PDPR: variants seen among roughly 807,000 people sequenced by gnomAD.
The protein encoded by PDPR is pyruvate dehydrogenase phosphatase regulatory subunit.
Under a neutral mutation model 102.2 loss-of-function variants are expected in PDPR, and 50 were observed. The ratio of observed to expected loss-of-function variants is 0.49; its 90% CI spans 0.39 to 0.62. The LOEUF (loss-of-function observed/expected upper bound fraction) is 0.62, where lower values mean the gene tolerates loss of function less well. Ranked by LOEUF, PDPR falls within the 20% of genes least tolerant of loss-of-function variation. PDPR has a pLI of 0.00. For missense variants in PDPR, 625 were observed against 1,098.2 expected, an observed-to-expected ratio of 0.57 and a Z score of 6.09; for synonymous variants, 259 against 406.0, an observed-to-expected ratio of 0.64 and a Z score of 4.35.
intron 3 of PDPR, among the ~76,000 whole-genome samples, chr16:70,126,920 C>A (rs187908732): frequency 6.6e-6 from 1 of 152,386 alleles, no homozygotes; most frequent in African/African-American, 2.4e-5. Context: ...TCACAGCTCA[C>A]TGCAACCTCT....
In PDPR at chr16:70,156,759, T is replaced by C. The variant is rs1597389169; in HGVS notation, c.2520T>C (p.Tyr840=). The change falls in exon 19 of 19, where the codon TAT becomes TAC. Residue 840 remains tyrosine, a synonymous_variant. Transcript: ENST00000288050. ...CAGATTTCATCAACCGGGGAGAGTA[T>C]GAGATTGACATCGCGGGATACCGCT... is the stretch of plus-strand genomic sequence containing the variant. ...VTADFINRGE[Y]EIDIAGYRFQ... 6.2e-7 allele frequency: 1 copy of C among 1,614,104 alleles called. No homozygotes were observed. The highest frequency in any genetic ancestry group is 8.5e-7 in the Non-Finnish European group (1 of 1,179,910).
intron 18 of PDPR, among the ~76,000 whole-genome samples, chr16:70,155,198 A>C (rs1473629670): frequency 2.6e-5 from 4 of 152,254 alleles, no homozygotes; most frequent in Non-Finnish European, 4.4e-5. Flanking sequence ...TCTCCAAAAA[A>C]AAAAAAGGTA....
intron 14 of PDPR, 123 bp downstream of exon 14, chr16:70,143,781 T>G: frequency 7.9e-7 from 1 of 1,265,212 alleles, no homozygotes; most frequent in Non-Finnish European, 1.1e-6. Flanking sequence ...AATCATTACA[T>G]GAAATCAAAG....
chr16:70,123,467 G>A (rs1319913062), intron 3 of PDPR, among the ~76,000 whole-genome samples: 2 of 152,200 alleles, frequency 1.3e-5, no homozygotes, highest in Non-Finnish European at 2.9e-5. Flanking sequence ...CAAACTCCTG[G>A]GCTCAAGTGA....
chr16:70,162,425 T>A lies in PDPR; in HGVS notation c.*5546T>A, dbSNP rs1967879647. On this transcript the variant is annotated 3_prime_UTR_variant, in exon 19 of 19. Coordinates refer to ENST00000288050, the MANE Select transcript of PDPR (RefSeq NM_017990.5). ...CAGGGTGACCGAGCATTTCTGCCCC[T>A]GTGAATGTGGCACTAACACTGTGCA... The A allele has an allele frequency of 6.6e-6, 1 of 152,464 alleles. No individual in the cohort carries two copies. Among genetic ancestry groups the A allele is most frequent in the African/African-American group, 2.4e-5 (1 of 41,484 alleles). 9.4% of individuals were successfully genotyped at this position (152,464 alleles called of 1,614,324 possible).
chr16:70,152,630 G>A (rs918715726), intron 17 of PDPR, among the ~76,000 whole-genome samples: 8 of 152,396 alleles, frequency 5.2e-5, no homozygotes, highest in East Asian at 1.9e-4. Flanking sequence ...ATAAAGAACT[G>A]CAGTACCACT....
chr16:70,122,905 A>G (rs1357119995), intron 3 of PDPR, among the ~76,000 whole-genome samples: 2 of 148,146 alleles, frequency 1.4e-5, no homozygotes, highest in Non-Finnish European at 3.0e-5. Flanking sequence ...TATGCAGTGG[A>G]TAGTTTTTTT....
rs751253518 is a variant in PDPR at position 70,153,394 on chromosome 16, G to T, written c.2056G>T (p.Ala686Ser). 6.2e-7 allele frequency: 1 copy of T among 1,612,612 alleles called. No individual in the cohort carries two copies. The highest frequency in any genetic ancestry group is 8.5e-7 in the Non-Finnish European group (1 of 1,179,350). Residue 686 changes from alanine (A) to serine (S), a missense_variant, in exon 18 of 19, where the codon GCC (alanine) becomes TCC (serine). Physicochemically the swap from Ala to Ser is moderately conservative, Grantham distance 99. Coordinates refer to ENST00000288050, the MANE Select transcript of PDPR (RefSeq NM_017990.5). ...GFMLYIPIEY[A>S]LHVYNEVMSV... ...AACTTTCTGTCTCTTCCTATAGTAC[G>T]CCCTGCATGTATACAATGAAGTGAT...
At position 70,125,696 on chromosome 16, in the gene PDPR, G is replaced by A. The variant is rs796218379; in HGVS notation, c.228-1564G>A. On this transcript the variant is annotated intron_variant, in intron 3 of 18. Transcript: ENST00000288050. ...GTCACCCAGGCTGTAGTGCAGTGGTGCAGCCTCAGCTCCTGCAACCTCTGC... is the reference window on the plus strand; with the variant it reads ...GTCACCCAGGCTGTAGTGCAGTGGTACAGCCTCAGCTCCTGCAACCTCTGC... Among the ~76,000 whole-genome samples the A allele has an allele frequency of 1.4e-4, 21 of 151,868 alleles. 1 individual carries two copies. Among genetic ancestry groups the A allele is most frequent in the African/African-American group, 5.1e-4 (21 of 41,396 alleles).
At chr16:70,120,846 A>G in intron 3 of PDPR, 127 bp downstream of exon 3, 1 of 650,256 alleles carries the variant, frequency 1.5e-6, no homozygotes. Flanking sequence ...AGAAGAAGCA[A>G]GGTGGAATCT....
chr16:70,156,573 C>T lies in PDPR; in HGVS notation c.2334C>T (p.Asp778=), dbSNP rs1236500983. The T allele has an allele frequency of 1.2e-6, 2 of 1,614,098 alleles. No homozygotes were observed. The highest frequency in any genetic ancestry group is 1.7e-5 in the Admixed American group (1 of 60,024). ...TMFILDDHDS[D]LDLWPWWGEP... ...TCATCCTGGACGACCATGATTCAGA[C>T]CTAGACCTTTGGCCTTGGTGGGGAG... Residue 778 remains aspartate (D), a synonymous_variant, in exon 19 of 19, where the codon GAC becomes GAT. Coordinates refer to ENST00000288050, the MANE Select transcript of PDPR (RefSeq NM_017990.5).
chr16:70,141,635 C>T (rs1489892601), intron 11 of PDPR, among the ~76,000 whole-genome samples: 4 of 152,398 alleles, frequency 2.6e-5, no homozygotes, highest in African/African-American at 4.8e-5. Flanking sequence ...AGGACCCTGA[C>T]CTTTCTGCCA....
chr16:70,114,136 G>A (rs1358680590), upstream of PDPR: 1 of 152,174 alleles, frequency 6.6e-6, no homozygotes, highest in Non-Finnish European at 1.5e-5. Context: ...TGGCAAAGAG[G>A]CCGCGGGGGC....
chr16:70,159,356 T>C lies in PDPR; in HGVS notation c.*2477T>C. The C allele has an allele frequency of 6.5e-6, 1 of 152,684 alleles. No individual in the cohort carries two copies. The highest frequency in any genetic ancestry group is 2.4e-5 in the African/African-American group (1 of 41,604). 9.5% of individuals were successfully genotyped at this position (152,684 alleles called of 1,614,324 possible). A position where few individuals can be genotyped will look rare whatever the true frequency, so the allele number is the denominator to read the frequency against. ...TGCTTGTCTTGCTAGGAGAGGAGGA[T>C]GGGGGGCTGAGCACTCAGGCTGTCC... is the stretch of plus-strand genomic sequence containing the variant. On this transcript the variant is annotated 3_prime_UTR_variant, in exon 19 of 19. Transcript: ENST00000288050.
At chr16:70,147,786 A>G in intron 16 of PDPR, 1 of 368,286 alleles carries the variant, frequency 2.7e-6, no homozygotes, top group Non-Finnish European at 5.4e-6. Flanking sequence ...AAAACTCTCC[A>G]CTGTTAGCTA....
At chr16:70,125,383 C>CAAAAAA (rs1165277642) in intron 3 of PDPR, among the ~76,000 whole-genome samples, 2 of 124,094 alleles carry the variant, frequency 1.6e-5, no homozygotes, top group Non-Finnish European at 3.6e-5. Context: ...TCTAAAAAAA[C>CAAAAAA]AAACAAACAA....
chr16:70,116,490 C>T (rs929933482), intron 2 of PDPR, among the ~76,000 whole-genome samples: 5 of 149,210 alleles, frequency 3.4e-5, no homozygotes, highest in African/African-American at 5.0e-5. Flanking sequence ...AGCGATCCTC[C>T]TACCTCAGGA....
rs899732952 is a variant in PDPR, at chr16:70,156,969, C to T, written c.*90C>T. The stretch of plus-strand genomic sequence containing the variant: ...TTCTCTTCCTTCCGCCTCTGTTCCT[C>T]TTCTGGAGCCTTTGCCTCCCATCTC... On this transcript the variant is annotated 3_prime_UTR_variant, in exon 19 of 19. Transcript: ENST00000288050. 2.0e-6 allele frequency: 3 copies of T among 1,511,918 alleles called. No individual in the cohort carries two copies. Among genetic ancestry groups the T allele is most frequent in the African/African-American group, 1.4e-5 (1 of 72,098 alleles). The allele number at this position is 1,511,918 out of a possible 1,614,324, so 93.7% of individuals were successfully genotyped here.
At chr16:70,140,727 A>G (rs564947307) in intron 11 of PDPR, among the ~76,000 whole-genome samples, 2 of 152,350 alleles carry the variant, frequency 1.3e-5, no homozygotes, top group Non-Finnish European at 2.9e-5. Flanking sequence ...AGGCAGGACA[A>G]TCACTTGAAC....
Sources: allele counts gnomAD v4.1 joint callset (sites outside exome capture counted in the v4.1 genomes callset), GRCh38; gene constraint gnomAD v4.1.1; transcripts MANE v1.5; gene names NCBI Gene and HGNC (gene_info 2026-07-23, HGNC 2026-07-21).